The following ZDBF2 variants were observed in gnomAD, a reference collection of about 807,000 sequenced individuals.
The protein encoded by ZDBF2 is zinc finger DBF-type containing 2, also known as DBF4-type zinc finger-containing protein 2.
ZDBF2 carries 6 observed loss-of-function variants against 9.4 expected under a neutral mutation model. The ratio of observed to expected loss-of-function variants is 0.64; its 90% CI spans 0.35 to 1.27. The LOEUF is 1.27. ZDBF2 is among the 50% of genes most tolerant of loss of function. ZDBF2 has a pLI of 0.03. For synonymous variants in ZDBF2, 905 were observed against 946.3 expected, an observed-to-expected ratio of 0.96 and a Z score of 0.80; for missense variants, 2,697 against 2,766.8, an observed-to-expected ratio of 0.97 and a Z score of 0.57.
At chr2:206,297,477 A>G in intron 4 of ZDBF2, 104 bp downstream of exon 4, 1 of 1,140,662 alleles carries the variant, frequency 8.8e-7, no homozygotes. Flanking sequence ...TGAGTCAAGG[A>G]ATATAAAGTA....
chr2:206,307,887 C>G lies in ZDBF2; in HGVS notation c.3359C>G (p.Pro1120Arg). ...AGTACTTATAAATTAATACATCATC[C>G]TGATGTTTCTGTCCAATCTGTGGCT... Reference protein sequence around the residue: ...EPSTYKLIHHPDVSVQSVADQ... With the variant: ...EPSTYKLIHHRDVSVQSVADQ... The change falls in exon 5 of 5, where the codon CCT becomes CGT. Residue 1120 changes from proline to arginine, a missense_variant. Coordinates refer to ENST00000374423, the MANE Select transcript of ZDBF2 (RefSeq NM_020923.3). 1 of 1,613,556 alleles carries G rather than the reference C, an allele frequency of 6.2e-7. No individual in the cohort carries two copies. Among genetic ancestry groups the G allele is most frequent in the Non-Finnish European group, 8.5e-7 (1 of 1,179,724 alleles).
At chr2:206,292,700 G>A (rs1691957866) in intron 3 of ZDBF2, among the ~76,000 whole-genome samples, 1 of 151,568 alleles carries the variant, frequency 6.6e-6, no homozygotes, top group Non-Finnish European at 1.5e-5. Context: ...AATGTAAAAA[G>A]AAAGTGTATT....
Position 206,307,364 on chromosome 2 carries a change from A to C in ZDBF2, c.2836A>C (p.Met946Leu). 1 of 1,613,336 alleles carries C rather than the reference A, an allele frequency of 6.2e-7. No homozygotes were observed. Among genetic ancestry groups the C allele is most frequent in the Non-Finnish European group, 8.5e-7 (1 of 1,179,716 alleles). Residue 946 changes from methionine to leucine, a missense_variant, in exon 5 of 5, where the codon ATG becomes CTG. This residue lies in a region of ZDBF2 where 1,783 missense variants were observed against 1,776.5 expected (regional missense o/e 1.00). Transcript: ENST00000374423. Reference sequence around the variant, plus strand: ...AATAAGCCTTCACACAAAAGAGCACATGTACTTAGAAAATAAGAGTGTTTT... The same window carrying C: ...AATAAGCCTTCACACAAAAGAGCACCTGTACTTAGAAAATAAGAGTGTTTT... The part of the protein sequence containing the change: ...KEISLHTKEH[M>L]YLENKSVFET...
intron 3 of ZDBF2, among the ~76,000 whole-genome samples, chr2:206,290,406 A>G (rs568539557): frequency 2.6e-5 from 4 of 152,302 alleles, no homozygotes; most frequent in African/African-American, 7.2e-5. Flanking sequence ...TGGAATTCTG[A>G]TAGGGATTGT....
chr2:206,278,941 G>A (rs1691167497), intron 1 of ZDBF2, among the ~76,000 whole-genome samples: 1 of 152,120 alleles, frequency 6.6e-6, no homozygotes, highest in Non-Finnish European at 1.5e-5. Flanking sequence ...TTCTAGCATG[G>A]AACTCTGTGC....
chr2:206,289,803 A>C (rs1226676308), intron 3 of ZDBF2, among the ~76,000 whole-genome samples: 1 of 151,968 alleles, frequency 6.6e-6, no homozygotes, highest in Non-Finnish European at 1.5e-5. Flanking sequence ...CCAAGGTGTT[A>C]ATGGGGGTTG....
rs1477153547 is a variant in ZDBF2 at position 206,306,675 on chromosome 2, A to G, written c.2147A>G (p.His716Arg). Reference sequence around the variant, plus strand: ...TCTGATTCTCCGGCTTCTCTTTATCATTCAGCTCATGATGAGCCTCAAGAA... The same window carrying G: ...TCTGATTCTCCGGCTTCTCTTTATCGTTCAGCTCATGATGAGCCTCAAGAA... ...LSSDSPASLY[H>R]SAHDEPQEAL... The change falls in exon 5 of 5, where the codon CAT becomes CGT. Residue 716 changes from histidine (H) to arginine (R), a missense_variant. This residue lies in a region of ZDBF2 where 910 missense variants were observed against 973.6 expected (regional missense o/e 0.93). Transcript: ENST00000374423. 2 of 1,613,798 alleles carry G rather than the reference A, an allele frequency of 1.2e-6. No individual in the cohort carries two copies. The highest frequency in any genetic ancestry group is 1.7e-5 in the Admixed American group (1 of 59,994).
At position 206,310,432 on chromosome 2, in the gene ZDBF2, A is replaced by G. The variant is rs1320576273; in HGVS notation, c.5904A>G (p.Pro1968=). Residue 1968 remains proline, a synonymous_variant, in exon 5 of 5, where the codon CCA becomes CCG. Transcript: ENST00000374423. Reference sequence around the variant, plus strand: ...TAATTAGACAAGAGGAAGACCCACCAAAAAGTAAGTGTTCACGTTTACAGG... The same window carrying G: ...TAATTAGACAAGAGGAAGACCCACCGAAAAGTAAGTGTTCACGTTTACAGG... ...RKIIRQEEDP[P]KSKCSRLQDD... The G allele has an allele frequency of 1.2e-6, 2 of 1,613,912 alleles. No homozygotes were observed. The highest frequency in any genetic ancestry group is 1.7e-6 in the Non-Finnish European group (2 of 1,179,894).
Position 206,308,273 on chromosome 2 carries a change from G to A in ZDBF2, c.3745G>A (p.Val1249Ile), listed in dbSNP as rs1248360122. ...KGFEIMYDSD[V>I]LQPVAGQPEE... ...TTTTGAAATTATGTATGATTCTGATGTTCTTCAGCCAGTGGCTGGCCAACC... is the reference window on the plus strand; with the variant it reads ...TTTTGAAATTATGTATGATTCTGATATTCTTCAGCCAGTGGCTGGCCAACC... The change falls in exon 5 of 5, where the codon GTT (valine) becomes ATT (isoleucine). Residue 1249 changes from valine (V) to isoleucine (I), a missense_variant. Coordinates refer to ENST00000374423, the MANE Select transcript of ZDBF2 (RefSeq NM_020923.3). 1 of 1,613,920 alleles carries A rather than the reference G, an allele frequency of 6.2e-7. No individual in the cohort carries two copies. The highest frequency in any genetic ancestry group is 1.7e-5 in the Admixed American group (1 of 60,012).
In ZDBF2 at chr2:206,306,318, A is replaced by C. The variant is rs749668953; in HGVS notation, c.1790A>C (p.Gln597Pro). ...CTTGAGTCAGTAGTTGATCATCCCC[A>C]ACTGACTGTCAAAGGAAGAAACCTG... The part of the protein sequence containing the change: ...VSLESVVDHP[Q>P]LTVKGRNLKG... Residue 597 changes from glutamine (Q) to proline (P), a missense_variant, in exon 5 of 5, where the codon CAA becomes CCA. Coordinates refer to ENST00000374423, the MANE Select transcript of ZDBF2 (RefSeq NM_020923.3). The C allele has an allele frequency of 6.2e-7, 1 of 1,613,754 alleles. No individual in the cohort carries two copies. Among genetic ancestry groups the C allele is most frequent in the Admixed American group, 1.7e-5 (1 of 59,978 alleles).
Position 206,312,751 on chromosome 2 carries a change from T to C in ZDBF2, c.*1158T>C, listed in dbSNP as rs1009189418. On this transcript the variant is annotated 3_prime_UTR_variant, in exon 5 of 5. Coordinates refer to ENST00000374423, the MANE Select transcript of ZDBF2 (RefSeq NM_020923.3). ...TTTTAATAACTTGAACTGAAATTAT[T>C]GGCTTGGTAATATTTGGGCAGGCCA... The C allele has an allele frequency of 6.6e-6, 1 of 152,230 alleles. No homozygotes were observed. The highest frequency in any genetic ancestry group is 1.5e-5 in the Non-Finnish European group (1 of 68,036). 9.4% of individuals were successfully genotyped at this position (152,230 alleles called of 1,614,324 possible).
intron 4 of ZDBF2, among the ~76,000 whole-genome samples, 178 bp downstream of exon 4, chr2:206,297,551 C>T (rs924639131): frequency 6.6e-6 from 1 of 152,128 alleles, no homozygotes; most frequent in African/African-American, 2.4e-5. Flanking sequence ...AATTTCACTA[C>T]AGAAGATATG....
At chr2:206,297,498 A>G in intron 4 of ZDBF2, 125 bp downstream of exon 4, 1 of 958,024 alleles carries the variant, frequency 1.0e-6, no homozygotes, top group South Asian at 2.1e-5. Context: ...AAATTTTAGT[A>G]ACTTTCATTT....
intron 2 of ZDBF2, among the ~76,000 whole-genome samples, chr2:206,280,912 G>A (rs766507716): frequency 1.3e-5 from 2 of 152,168 alleles, no homozygotes; most frequent in Middle Eastern, 3.4e-3. Context: ...AAAATTATTT[G>A]TAATTCTGTT....
intron 1 of ZDBF2, among the ~76,000 whole-genome samples, chr2:206,275,428 G>A (rs1319426207): frequency 6.6e-6 from 1 of 151,986 alleles, no homozygotes; most frequent in Non-Finnish European, 1.5e-5. Context: ...CCCAGCCTCG[G>A]GCGATTATAG....
rs747725892 is a variant in ZDBF2, at chr2:206,297,285, A to G, written c.100A>G (p.Ser34Gly). Reference protein sequence around the residue: ...SAQHRSLTRQSRRQICTSSLM... With the variant: ...SAQHRSLTRQGRRQICTSSLM... ...TCAGCACAGGAGTTTGACCAGACAG[A>G]GTAGACGTCAAATATGTACCAGTAG... The change falls in exon 4 of 5, where the codon AGT becomes GGT. Residue 34 changes from serine to glycine, a missense_variant. Physicochemically the swap from Ser to Gly is moderately conservative, Grantham distance 56 (BLOSUM62 0). Transcript: ENST00000374423. 1.9e-6 allele frequency: 3 copies of G among 1,567,892 alleles called. No homozygotes were observed. In the East Asian group the frequency reaches 6.7e-5, roughly 35 times the overall value.
rs2105785708 is a variant in ZDBF2, at chr2:206,312,230, T to G, written c.*637T>G. 2 of 152,218 alleles carry G rather than the reference T, an allele frequency of 1.3e-5. No individual in the cohort carries two copies. Among genetic ancestry groups the G allele is most frequent in the Admixed American group, 1.3e-4 (2 of 15,276 alleles). The allele number at this position is 152,218 out of a possible 1,614,324, so 9.4% of individuals were successfully genotyped here. A position where few individuals can be genotyped will look rare whatever the true frequency, so the allele number is the denominator to read the frequency against. On this transcript the variant is annotated 3_prime_UTR_variant, in exon 5 of 5. Transcript: ENST00000374423. The stretch of plus-strand genomic sequence containing the variant: ...TCTAGGTTTTTTGGGTTAGCCTTAT[T>G]AGATCTTAAAGGGGAAAATAATTTT...
intron 2 of ZDBF2, among the ~76,000 whole-genome samples, chr2:206,280,604 T>G (rs1691262953): frequency 6.6e-6 from 1 of 152,202 alleles, no homozygotes; most frequent in Admixed American, 6.5e-5. Flanking sequence ...GTAAGTAATG[T>G]CTTACATGTT....
In ZDBF2 at chr2:206,274,926, A is replaced by T. The variant is rs867108713; in HGVS notation, c.-123A>T. 6.6e-6 allele frequency: 1 copy of T among 151,000 alleles called. No individual in the cohort carries two copies. The highest frequency in any genetic ancestry group is 2.4e-5 in the African/African-American group (1 of 41,306). 9.4% of individuals were successfully genotyped at this position (151,000 alleles called of 1,614,324 possible). On this transcript the variant is annotated 5_prime_UTR_variant, in exon 1 of 5. Transcript: ENST00000374423. ...CGGTCTCCACCGCGGCCCGGAAGGA[A>T]TCCGGGCAGCCTCCGCGGAGGTGAG...
Sources: allele counts gnomAD v4.1 joint callset (sites outside exome capture counted in the v4.1 genomes callset), GRCh38; gene constraint gnomAD v4.1.1; regional missense constraint gnomAD v4.1.1; transcripts MANE v1.5; gene names NCBI Gene and HGNC (gene_info 2026-07-23, HGNC 2026-07-21).